Variants in SNX29 observed in about 807,000 individuals in gnomAD.
The protein encoded by SNX29 is sorting nexin-29.
In SNX29, 78 loss-of-function variants were observed where a neutral mutation model predicts 102.1. The observed-to-expected ratio is 0.76, with a 90% CI of 0.64 to 0.92. The LOEUF (loss-of-function observed/expected upper bound fraction) is 0.92. Among genes scored for constraint, SNX29 ranks in the 40% least tolerant of loss-of-function variants. The pLI is 0.00. For missense variants in SNX29, 1,280 were observed against 1,061.7 expected (o/e 1.21, Z -2.86); for synonymous variants, 580 against 414.5 (o/e 1.40, Z -4.85).
Position 12,567,325 on chromosome 16 carries a change from G to A in SNX29, c.2319-1181G>A, listed in dbSNP as rs115545455. Among the ~76,000 whole-genome samples, 539 of 152,274 alleles carry A rather than the reference G, an allele frequency of 3.5e-3. 2 individuals carry two copies. Among genetic ancestry groups the A allele is most frequent in the African/African-American group, 0.011 (473 of 41,504 alleles). The stretch of plus-strand genomic sequence containing the variant: ...ACAGCAGCACAGAGGTGCTGCGGAC[G>A]CAGGAGTGGACATGGATCCTGTTAG... On this transcript the variant is annotated intron_variant, in intron 20 of 20. Coordinates refer to ENST00000566228, the MANE Select transcript of SNX29 (RefSeq NM_032167.5).
At chr16:12,032,500 C>T (rs1203040261) in intron 4 of SNX29, among the ~76,000 whole-genome samples, 3 of 152,096 alleles carry the variant, frequency 2.0e-5, no homozygotes, top group Non-Finnish European at 4.4e-5. Flanking sequence ...GCAACCGCGC[C>T]TGGCCCAGAA....
At chr16:12,041,084 G>A (rs1029983899) in intron 4 of SNX29, among the ~76,000 whole-genome samples, 1 of 152,166 alleles carries the variant, frequency 6.6e-6, no homozygotes, top group Non-Finnish European at 1.5e-5. Context: ...TTGGATTACA[G>A]GGGTGAGCTA....
chr16:12,015,264 T>A (rs1227326532), intron 3 of SNX29, among the ~76,000 whole-genome samples: 1 of 152,114 alleles, frequency 6.6e-6, no homozygotes, highest in Non-Finnish European at 1.5e-5. Flanking sequence ...TTTATATTTT[T>A]TGGAGATGGT....
intron 18 of SNX29, among the ~76,000 whole-genome samples, chr16:12,441,571 G>C (rs1449974977): frequency 6.6e-6 from 1 of 152,126 alleles, no homozygotes; most frequent in Non-Finnish European, 1.5e-5. Context: ...CTCCCGTTTT[G>C]TGGTTGTCCT....
At chr16:12,491,623 C>T (rs1223632994) in intron 19 of SNX29, among the ~76,000 whole-genome samples, 1 of 152,086 alleles carries the variant, frequency 6.6e-6, no homozygotes, top group South Asian at 2.1e-4. Context: ...TGGTGTGCTG[C>T]ACCCATTAAC....
chr16:12,009,729 T>G (rs545977654), intron 3 of SNX29, among the ~76,000 whole-genome samples: 1 of 152,170 alleles, frequency 6.6e-6, no homozygotes, highest in African/African-American at 2.4e-5. Flanking sequence ...GACTCGTTCT[T>G]ATGGTTCATT....
At chr16:12,043,499 C>T (rs1180245447) in intron 5 of SNX29, among the ~76,000 whole-genome samples, 3 of 152,094 alleles carry the variant, frequency 2.0e-5, no homozygotes, top group African/African-American at 2.4e-5. Flanking sequence ...GGACCCTAAG[C>T]GTACGCCACC....
At chr16:12,539,236 C>T (rs552061441) in intron 20 of SNX29, among the ~76,000 whole-genome samples, 2 of 152,330 alleles carry the variant, frequency 1.3e-5, no homozygotes, top group Non-Finnish European at 2.9e-5. Context: ...CCAGTTCCTT[C>T]ACCCTAAAAA....
intron 18 of SNX29, among the ~76,000 whole-genome samples, chr16:12,409,340 T>G (rs113547697): frequency 0.02 from 3,048 of 152,298 alleles, 78 homozygotes; most frequent in African/African-American, 0.053. Context: ...TGTTGTTAAT[T>G]AATTTCTAGT....
chr16:12,264,531 C>G (rs917573882), intron 14 of SNX29, among the ~76,000 whole-genome samples: 4 of 152,190 alleles, frequency 2.6e-5, no homozygotes, highest in African/African-American at 9.7e-5. Flanking sequence ...TTTGTAATCC[C>G]AGCACTTTGG....
intron 20 of SNX29, among the ~76,000 whole-genome samples, chr16:12,548,663 C>G (rs939757125): frequency 1.3e-5 from 2 of 152,186 alleles, no homozygotes; most frequent in African/African-American, 2.4e-5. Context: ...GTCAACTCAG[C>G]AAGAAGTGAA....
intron 14 of SNX29, among the ~76,000 whole-genome samples, chr16:12,234,668 G>T (rs1185156863): frequency 1.3e-5 from 2 of 152,182 alleles, no homozygotes; most frequent in Non-Finnish European, 2.9e-5. Flanking sequence ...GCTTCAAAAT[G>T]ATTTGATGTT....
At chr16:12,419,521 G>C (rs1420321878) in intron 18 of SNX29, among the ~76,000 whole-genome samples, 1 of 151,906 alleles carries the variant, frequency 6.6e-6, no homozygotes, top group Admixed American at 6.6e-5. Context: ...AAAGACCAAG[G>C]GTACAGCTTG....
At chr16:12,547,427 C>G (rs190362061) in intron 20 of SNX29, among the ~76,000 whole-genome samples, 1 of 152,058 alleles carries the variant, frequency 6.6e-6, no homozygotes, top group Non-Finnish European at 1.5e-5. Context: ...ATGTGGGCAC[C>G]CCGGGGAGAG....
At chr16:12,562,382 GCT>G (rs35671687) in intron 20 of SNX29, among the ~76,000 whole-genome samples, 39,316 of 151,998 alleles carry the variant, frequency 0.26, 5,614 homozygotes, top group East Asian at 0.41. Flanking sequence ...TTTTAAAACA[GCT>G]CAAGAGACAG....
chr16:12,278,145 A>G (rs1316021289), intron 15 of SNX29, 109 bp downstream of exon 15: 3 of 861,982 alleles, frequency 3.5e-6, no homozygotes, highest in Non-Finnish European at 5.6e-6. Flanking sequence ...ACGACCAAGC[A>G]ACTCCTCAGC....
chr16:12,539,656 C>T (rs1794306), intron 20 of SNX29, among the ~76,000 whole-genome samples: 19,055 of 152,156 alleles, frequency 0.13, 1,432 homozygotes, highest in Non-Finnish European at 0.16. Flanking sequence ...ATTCCCACAG[C>T]GTATGAGGGG....
intron 19 of SNX29, among the ~76,000 whole-genome samples, chr16:12,509,250 A>G (rs1186450594): frequency 6.6e-6 from 1 of 152,158 alleles, no homozygotes; most frequent in Non-Finnish European, 1.5e-5. Flanking sequence ...GATTCAGGGC[A>G]TGGGGAGGGC....
chr16:12,368,447 C>G lies in SNX29; in HGVS notation c.1899+12168C>G, dbSNP rs939528585. ...AGGCATTTTCCACACTGGCTTACAT[C>G]GCCTGTCGGTCACTGTGTTTTGTGT... On this transcript the variant is annotated intron_variant, in intron 16 of 20. Coordinates refer to ENST00000566228, the MANE Select transcript of SNX29 (RefSeq NM_032167.5). Among the ~76,000 whole-genome samples, 126 of 152,334 alleles carry G rather than the reference C, an allele frequency of 8.3e-4. 1 individual carries two copies. Among genetic ancestry groups the G allele is most frequent in the African/African-American group, 2.8e-3 (117 of 41,568 alleles).
Sources: gnomAD v4.1 joint callset for allele counts (sites outside exome capture counted in the v4.1 genomes callset) on GRCh38, gnomAD v4.1.1 for gene constraint, MANE v1.5 for transcripts, NCBI Gene and HGNC (gene_info 2026-07-23, HGNC 2026-07-21) for gene names.